PRKCH: variants seen among roughly 807,000 people sequenced by gnomAD.
The protein encoded by PRKCH is protein kinase C eta type.
A neutral mutation model predicts 82.5 loss-of-function variants in PRKCH; 28 were observed. The observed-to-expected ratio is 0.34, with a 90% CI of 0.25 to 0.47. PRKCH has a LOEUF of 0.47. Ranked by LOEUF, PRKCH falls within the 20% of genes least tolerant of loss-of-function variation. The probability of loss-of-function intolerance (pLI) is 1.00; values close to 1 mark genes in which losing one functional copy is unlikely to be tolerated. For synonymous variants in PRKCH, 322 were observed against 327.4 expected (o/e 0.98, Z 0.18); for missense variants, 705 against 881.8 (o/e 0.80, Z 2.54).
chr14:61,410,092 CA>C (rs1882186754), intron 2 of PRKCH, among the ~76,000 whole-genome samples: 1 of 152,142 alleles, frequency 6.6e-6, no homozygotes, highest in African/African-American at 2.4e-5. Context: ...ATTAGCTTCT[CA>C]GTTATAAGTT....
intron 2 of PRKCH, among the ~76,000 whole-genome samples, chr14:61,395,688 T>A (rs1330876807): frequency 6.6e-6 from 1 of 152,138 alleles, no homozygotes; most frequent in African/African-American, 2.4e-5. Flanking sequence ...GGATTTTCAT[T>A]TCCATGTTCC....
At chr14:61,535,312 A>G (rs2043093280) in intron 12 of PRKCH, among the ~76,000 whole-genome samples, 1 of 152,214 alleles carries the variant, frequency 6.6e-6, no homozygotes, top group African/African-American at 2.4e-5. Context: ...AGAAATTTTA[A>G]AGAGAAATTA....
At chr14:61,336,711 A>G (rs541299739) in intron 1 of PRKCH, among the ~76,000 whole-genome samples, 4 of 152,298 alleles carry the variant, frequency 2.6e-5, no homozygotes, top group Middle Eastern at 3.4e-3. Flanking sequence ...TGAATATCCA[A>G]TACAAGTTGG....
In PRKCH at chr14:61,374,642, C is replaced by T. The variant is rs373465991; in HGVS notation, c.364-16583C>T. Among the ~76,000 whole-genome samples, 29 of 152,030 alleles carry T rather than the reference C, an allele frequency of 1.9e-4. 1 individual carries two copies. Among genetic ancestry groups the T allele is most frequent in the African/African-American group, 2.7e-4 (11 of 41,300 alleles). On this transcript the variant is annotated intron_variant, in intron 1 of 13. Transcript: ENST00000332981. ...GCTTGCACCCTCTGAAGCCACAGCC[C>T]GAGCTGTACATTGGCCCCTTTTAGC... is the stretch of plus-strand genomic sequence containing the variant.
chr14:61,381,636 C>G (rs1054867767), intron 1 of PRKCH, among the ~76,000 whole-genome samples: 5 of 152,250 alleles, frequency 3.3e-5, no homozygotes, highest in Admixed American at 6.5e-5. Context: ...TTTCCCTGCC[C>G]CAGCACAGAC....
chr14:61,384,538 C>T lies in PRKCH; in HGVS notation c.364-6687C>T, dbSNP rs112427048. On this transcript the variant is annotated intron_variant, in intron 1 of 13. Coordinates refer to ENST00000332981, the MANE Select transcript of PRKCH (RefSeq NM_006255.5). ...TTGGTCAGGACAGAGCACCAGGACC[C>T]AGGTCTTCTCTAGCATTGCTATTAC... is the stretch of plus-strand genomic sequence containing the variant. 8.2e-3 allele frequency among the ~76,000 whole-genome samples: 1,242 copies of T among 152,100 alleles called. 33 individuals carry two copies. Among genetic ancestry groups the T allele is most frequent in the African/African-American group, 0.029 (1,185 of 41,396 alleles).
intron 1 of PRKCH, among the ~76,000 whole-genome samples, chr14:61,365,775 C>T (rs575763316): frequency 1.3e-5 from 2 of 152,110 alleles, no homozygotes; most frequent in East Asian, 1.9e-4. Flanking sequence ...GATAGCTTCA[C>T]ATTTAGCTGA....
intron 13 of PRKCH, among the ~76,000 whole-genome samples, chr14:61,549,061 G>A (rs1049638398): frequency 6.6e-5 from 10 of 152,144 alleles, no homozygotes; most frequent in African/African-American, 1.4e-4. Context: ...AGGTAAAGCC[G>A]TTCCTTCAAT....
intron 1 of PRKCH, among the ~76,000 whole-genome samples, chr14:61,312,911 C>T (rs1489730667): frequency 6.6e-6 from 1 of 152,122 alleles, no homozygotes; most frequent in African/African-American, 2.4e-5. Flanking sequence ...ACTAAGAAGG[C>T]CTGAGTGACC....
chr14:61,397,305 A>G (rs2046800421), intron 2 of PRKCH, among the ~76,000 whole-genome samples: 1 of 152,212 alleles, frequency 6.6e-6, no homozygotes, highest in Non-Finnish European at 1.5e-5. Context: ...CTGGGAGAAG[A>G]TGATGAATCC....
intron 12 of PRKCH, among the ~76,000 whole-genome samples, chr14:61,539,646 C>T (rs1359583541): frequency 1.3e-5 from 2 of 152,002 alleles, no homozygotes; most frequent in Non-Finnish European, 2.9e-5. Flanking sequence ...CCATTTCAGA[C>T]TCAAGGAAAA....
intron 1 of PRKCH, among the ~76,000 whole-genome samples, chr14:61,287,721 A>C (rs1323803589): frequency 1.3e-5 from 2 of 152,150 alleles, no homozygotes; most frequent in East Asian, 3.9e-4. Flanking sequence ...AGGAAAAAAA[A>C]AAAAGAAACT....
intron 2 of PRKCH, among the ~76,000 whole-genome samples, chr14:61,421,628 G>A (rs1429605190): frequency 2.0e-5 from 3 of 152,104 alleles, no homozygotes; most frequent in Admixed American, 2.0e-4. Context: ...TAGCAGTAGT[G>A]TACTACTTGT....
chr14:61,430,588 G>C (rs1242516076), intron 2 of PRKCH, among the ~76,000 whole-genome samples: 2 of 152,174 alleles, frequency 1.3e-5, no homozygotes, highest in Non-Finnish European at 2.9e-5. Flanking sequence ...AGGCAGATAT[G>C]AGCGGGGCAG....
chr14:61,191,401 AG>A (rs1310428855), intron 1 of PRKCH, among the ~76,000 whole-genome samples: 1 of 152,248 alleles, frequency 6.6e-6, no homozygotes, highest in African/African-American at 2.4e-5. Flanking sequence ...GGCTGGGTAC[AG>A]TGGCTAACGC....
chr14:61,401,563 C>T (rs898399168), intron 2 of PRKCH, among the ~76,000 whole-genome samples: 3 of 152,114 alleles, frequency 2.0e-5, no homozygotes, highest in African/African-American at 7.2e-5. Context: ...CCCAATGGTG[C>T]AAAAGAGAAA....
At chr14:61,481,862 G>A (rs1287794425) in intron 9 of PRKCH, among the ~76,000 whole-genome samples, 5 of 152,060 alleles carry the variant, frequency 3.3e-5, no homozygotes, top group African/African-American at 1.2e-4. Flanking sequence ...AGCTTCAGCA[G>A]CAGCTATCAC....
At chr14:61,370,239 G>A (rs1413747535) in intron 1 of PRKCH, among the ~76,000 whole-genome samples, 4 of 152,070 alleles carry the variant, frequency 2.6e-5, no homozygotes, top group Non-Finnish European at 5.9e-5. Context: ...CACCGCACCC[G>A]GCCATGTGTG....
intron 1 of PRKCH, chr14:61,277,698 T>C: frequency 7.3e-6 from 1 of 137,156 alleles, no homozygotes; most frequent in East Asian, 1.9e-4. Context: ...AAATTGACAT[T>C]TATTAAATTC....
Sources: allele counts gnomAD v4.1 joint callset (sites outside exome capture counted in the v4.1 genomes callset), GRCh38; gene constraint gnomAD v4.1.1; transcripts MANE v1.5; gene names NCBI Gene and HGNC (gene_info 2026-07-23, HGNC 2026-07-21).